OSCP1: variants seen among roughly 807,000 people sequenced by gnomAD.
The protein encoded by OSCP1 is protein OSCP1.
In OSCP1, 35 loss-of-function variants were observed where a neutral mutation model predicts 45.1. That is an observed-to-expected ratio of 0.78 (90% CI 0.59 to 1.03). OSCP1 has a LOEUF of 1.03. Ranked by LOEUF, OSCP1 falls within the 50% of genes least tolerant of loss-of-function variation. The pLI, the probability that OSCP1 is intolerant of heterozygous loss-of-function variation, is 0.00. For synonymous variants in OSCP1, 179 were observed against 180.1 expected, an observed-to-expected ratio of 0.99 and a Z score of 0.05; for missense variants, 400 against 470.7, an observed-to-expected ratio of 0.85 and a Z score of 1.39.
intron 9 of OSCP1, 49 bp downstream of exon 9, chr1:36,418,942 A>AT: frequency 1.4e-6 from 2 of 1,432,904 alleles, no homozygotes; most frequent in Non-Finnish European, 1.9e-6. Context: ...AAAAAAAAAA[A>AT]GATGAGGAAG....
At chr1:36,436,248 C>T (rs55792495) in intron 2 of OSCP1, among the ~76,000 whole-genome samples, 35,824 of 150,868 alleles carry the variant, frequency 0.24, 4,545 homozygotes, top group African/African-American at 0.32. Flanking sequence ...GGACTACAGG[C>T]GCCCACCACC....
intron 1 of OSCP1, among the ~76,000 whole-genome samples, chr1:36,444,325 A>G (rs1649375235): frequency 6.6e-6 from 1 of 152,238 alleles, no homozygotes. Flanking sequence ...TGAAAGGCCC[A>G]AGAAGCCCCG....
chr1:36,448,625 CT>C lies in OSCP1; in HGVS notation c.112+1632del, dbSNP rs1304969384. ...GCTGCTATGAGAGCATGCACAGGCC[CT>C]TTCTGCATATGGGGAGGATTCCTGA... On this transcript the variant is annotated intron_variant, in intron 1 of 9. Transcript: ENST00000235532. Among the ~76,000 whole-genome samples the C allele has an allele frequency of 2.6e-5, 4 of 152,292 alleles. No homozygotes were observed. In the East Asian group the frequency reaches 7.7e-4, roughly 29 times the overall value.
At chr1:36,443,514 C>T (rs1031068601) in intron 1 of OSCP1, among the ~76,000 whole-genome samples, 3 of 152,192 alleles carry the variant, frequency 2.0e-5, no homozygotes, top group Non-Finnish European at 4.4e-5. Context: ...ACACTGCATG[C>T]ATGATGTCAT....
chr1:36,433,968 C>T (rs531397690), intron 2 of OSCP1, among the ~76,000 whole-genome samples: 14 of 152,172 alleles, frequency 9.2e-5, no homozygotes, highest in Admixed American at 7.2e-4. Flanking sequence ...GAAGATCACG[C>T]GATATTTAGA....
At chr1:36,450,145 G>A (rs1229077463) in intron 1 of OSCP1, 113 bp downstream of exon 1, 9 of 829,644 alleles carry the variant, frequency 1.1e-5, no homozygotes, top group African/African-American at 8.6e-5. Context: ...AAGGTCCCTG[G>A]TTATAAGAGT....
At chr1:36,428,870 G>A (rs1227819769) in intron 4 of OSCP1, among the ~76,000 whole-genome samples, 1 of 152,150 alleles carries the variant, frequency 6.6e-6, no homozygotes, top group South Asian at 2.1e-4. Context: ...GCTTGAACCC[G>A]GGAGGTGGAG....
At chr1:36,442,017 C>T (rs372136405) in intron 1 of OSCP1, among the ~76,000 whole-genome samples, 15,477 of 151,686 alleles carry the variant, frequency 0.1, 918 homozygotes, top group East Asian at 0.29. Context: ...CACCTGAGGT[C>T]GGGAGTTCAA....
In OSCP1 at chr1:36,447,830, A is replaced by G; in HGVS notation, c.112+2428T>C. 1 of 432,862 alleles carries G rather than the reference A, an allele frequency of 2.3e-6. No homozygotes were observed. The highest frequency in any genetic ancestry group is 1.6e-5 in the South Asian group (1 of 62,362). 26.8% of individuals were successfully genotyped at this position (432,862 alleles called of 1,614,324 possible). On this transcript the variant is annotated intron_variant, in intron 1 of 9. Coordinates refer to ENST00000235532, the MANE Select transcript of OSCP1 (RefSeq NM_145047.5). This position sits in a 1 kb window ranked among gnomAD's most constrained non-coding sequence, Gnocchi z 4.1. ...AGCCCTACCTCCAGTGAATGTCCAGAAGGGCTGCATCAGGCTCCATATAGT... is the reference window on the plus strand; with the variant it reads ...AGCCCTACCTCCAGTGAATGTCCAGGAGGGCTGCATCAGGCTCCATATAGT...
intron 7 of OSCP1, 60 bp downstream of exon 7, chr1:36,422,090 A>G: frequency 2.7e-6 from 4 of 1,507,432 alleles, no homozygotes; most frequent in Admixed American, 3.3e-5. Flanking sequence ...ACCTCTCTTT[A>G]TGTAGACTTC....
intron 1 of OSCP1, among the ~76,000 whole-genome samples, chr1:36,446,811 G>A (rs1451110364): frequency 6.6e-6 from 1 of 152,212 alleles, no homozygotes; most frequent in Non-Finnish European, 1.5e-5. Flanking sequence ...CCTGTAAAAT[G>A]AGGAATGTAA....
intron 1 of OSCP1, chr1:36,440,874 C>T (rs1649094377): frequency 6.6e-6 from 1 of 152,198 alleles, no homozygotes; most frequent in Admixed American, 6.5e-5. Flanking sequence ...ATCACATCAA[C>T]TCTGGTTAGG....
rs796552339 is a variant in OSCP1, at chr1:36,435,097, T to C, written c.268-2508A>G. ...TTTCTTTTCTTTTCTTTTTCTTTTTTTTTTTTTTTTTTTTGACATGGGGGT... is the reference window on the plus strand; with the variant it reads ...TTTCTTTTCTTTTCTTTTTCTTTTTCTTTTTTTTTTTTTTGACATGGGGGT... On this transcript the variant is annotated intron_variant, in intron 2 of 9. Transcript: ENST00000235532. Among the ~76,000 whole-genome samples the C allele has an allele frequency of 8.3e-4, 98 of 118,386 alleles. No homozygotes were observed. The East Asian group carries it at 0.02, about 24-fold the overall frequency. The allele number at this position is 118,386 out of a possible 152,430, so 77.7% of individuals were successfully genotyped here. A position where few individuals can be genotyped will look rare whatever the true frequency, so the allele number is the denominator to read the frequency against.
intron 4 of OSCP1, among the ~76,000 whole-genome samples, chr1:36,431,253 T>C (rs1648348099): frequency 6.6e-6 from 1 of 151,750 alleles, no homozygotes; most frequent in Non-Finnish European, 1.5e-5. Context: ...GAGGAGTTGG[T>C]AGACAAAAGG....
rs1648897218 is a variant in OSCP1 at position 36,438,371 on chromosome 1, T to C, written c.267+385A>G. Among the ~76,000 whole-genome samples the C allele has an allele frequency of 4.0e-5, 6 of 148,538 alleles. No homozygotes were observed. In the South Asian group the frequency reaches 1.3e-3, roughly 32 times the overall value. ...CCAGTGTGATGGCATGTGCCTGTAG[T>C]CCCAGCTACTTGGGAGTCTGAGGCA... On this transcript the variant is annotated intron_variant, in intron 2 of 9. Transcript: ENST00000235532.
chr1:36,424,479 C>A lies in OSCP1; in HGVS notation c.517-1013G>T, dbSNP rs16822960. Reference sequence around the variant, plus strand: ...TGTAAGAACCTCATATGGCCACTTTCTACATGAGGCAGCTCAGAGGTTAAG... The same window carrying A: ...TGTAAGAACCTCATATGGCCACTTTATACATGAGGCAGCTCAGAGGTTAAG... On this transcript the variant is annotated intron_variant, in intron 4 of 9. Transcript: ENST00000235532. Among the ~76,000 whole-genome samples, 2,965 of 152,272 alleles carry A rather than the reference C, an allele frequency of 0.019. 290 individuals are homozygous for A. The East Asian group carries it at 0.29, about 15-fold the overall frequency.
chr1:36,433,028 T>C (rs1197554720), intron 2 of OSCP1, among the ~76,000 whole-genome samples: 1 of 152,248 alleles, frequency 6.6e-6, no homozygotes, highest in Non-Finnish European at 1.5e-5. Context: ...AAATACTCTC[T>C]AATTTCCCAA....
chr1:36,430,268 T>C (rs1202935567), intron 4 of OSCP1, among the ~76,000 whole-genome samples: 2 of 151,882 alleles, frequency 1.3e-5, no homozygotes, highest in Non-Finnish European at 2.9e-5. Flanking sequence ...CTCAAACTCC[T>C]GGGCTCAAGT....
intron 1 of OSCP1, among the ~76,000 whole-genome samples, chr1:36,442,928 CTGTT>C (rs1396247551): frequency 2.0e-5 from 3 of 151,558 alleles, no homozygotes; most frequent in Non-Finnish European, 4.4e-5. Flanking sequence ...AGAATTAGGT[CTGTT>C]TGATTTAATG....
Sources: gnomAD v4.1 joint callset for allele counts (sites outside exome capture counted in the v4.1 genomes callset) on GRCh38, gnomAD v4.1.1 for gene constraint, Gnocchi (gnomAD v3.1) non-coding constraint, MANE v1.5 for transcripts, NCBI Gene and HGNC (gene_info 2026-07-23, HGNC 2026-07-21) for gene names.